The following EYS variants were observed in gnomAD, a reference collection of about 807,000 sequenced individuals.
EYS encodes EGF-like photoreceptor maintenance factor.
In EYS, 250 loss-of-function variants were observed where a neutral mutation model predicts 282.1. The observed-to-expected ratio is 0.89, with a 90% CI of 0.80 to 0.98. The LOEUF (loss-of-function observed/expected upper bound fraction) is 0.98, where lower values mean the gene tolerates loss of function less well. EYS is among the 50% of genes least tolerant of loss of function. The pLI is 0.00. For missense variants in EYS, 4,016 were observed against 3,709.0 expected (o/e 1.08, Z -2.15); for synonymous variants, 1,355 against 1,282.9 (o/e 1.06, Z -1.20).
At chr6:65,207,361 GAA>G (rs67058673) in intron 12 of EYS, among the ~76,000 whole-genome samples, 4,906 of 147,490 alleles carry the variant, frequency 0.033, 106 homozygotes, top group African/African-American at 0.058. Flanking sequence ...AGACACTGAT[GAA>G]AAAAAAAAAT....
intron 33 of EYS, among the ~76,000 whole-genome samples, chr6:64,048,758 C>T (rs544009562): frequency 6.6e-6 from 1 of 151,980 alleles, no homozygotes; most frequent in Non-Finnish European, 1.5e-5. Flanking sequence ...TCTGTTTCCT[C>T]TGATTGATAC....
chr6:63,834,886 G>A (rs1771760904), intron 36 of EYS, among the ~76,000 whole-genome samples: 1 of 151,794 alleles, frequency 6.6e-6, no homozygotes, highest in Non-Finnish European at 1.5e-5. Flanking sequence ...AAAAGGATGA[G>A]TTCATGTCCT....
rs1272075403 is a variant in EYS at position 63,721,600 on chromosome 6, T to G, written c.8431A>C (p.Lys2811Gln). 6.4e-7 allele frequency: 1 copy of G among 1,551,610 alleles called. No homozygotes were observed. The highest frequency in any genetic ancestry group is 8.7e-7 in the Non-Finnish European group (1 of 1,146,744). The change falls in exon 43 of 43, where the codon AAA becomes CAA. Residue 2811 changes from lysine to glutamine, a missense_variant. Lys to Gln is a moderately conservative substitution (Grantham distance 53, BLOSUM62 1). Coordinates refer to ENST00000503581, the MANE Select transcript of EYS (RefSeq NM_001142800.2). ...GTATTTGTGTCCAGAGAACTCATTT[T>G]AGTGGAGGCCTTTTCTGTTACATTT... ...GINVTEKAST[K>Q]MSSLDTNTDF... is the part of the protein sequence containing the mutation.
At chr6:64,731,606 A>G (rs1318073898) in intron 22 of EYS, among the ~76,000 whole-genome samples, 2 of 152,216 alleles carry the variant, frequency 1.3e-5, no homozygotes, top group Non-Finnish European at 2.9e-5. Context: ...CAAAACCACA[A>G]TGAGATACCA....
At chr6:64,923,880 C>T (rs1243071421) in intron 15 of EYS, among the ~76,000 whole-genome samples, 2 of 148,302 alleles carry the variant, frequency 1.3e-5, no homozygotes, top group Admixed American at 6.9e-5. Flanking sequence ...TACAGCCCCC[C>T]TCCTGGCTGC....
intron 41 of EYS, among the ~76,000 whole-genome samples, chr6:63,749,988 C>A (rs1769303186): frequency 6.6e-6 from 1 of 152,156 alleles, no homozygotes; most frequent in Non-Finnish European, 1.5e-5. Flanking sequence ...TTTTAAATGA[C>A]CTGATTTCAA....
chr6:64,109,048 T>A (rs1773123344), intron 31 of EYS, among the ~76,000 whole-genome samples: 1 of 152,080 alleles, frequency 6.6e-6, no homozygotes, highest in South Asian at 2.1e-4. Flanking sequence ...TCAACTTAGA[T>A]GCTATAACTT....
At chr6:65,224,969 A>G (rs1766582420) in intron 12 of EYS, among the ~76,000 whole-genome samples, 1 of 152,150 alleles carries the variant, frequency 6.6e-6, no homozygotes, top group African/African-American at 2.4e-5. Context: ...CACACTGACA[A>G]ATTCTATGAA....
At chr6:64,287,886 G>C (rs1391110392) in intron 30 of EYS, among the ~76,000 whole-genome samples, 3 of 152,150 alleles carry the variant, frequency 2.0e-5, no homozygotes, top group Non-Finnish European at 4.4e-5. Context: ...GAGAAGCTCA[G>C]CCTTGAGCCC....
intron 36 of EYS, among the ~76,000 whole-genome samples, chr6:63,824,007 C>A (rs953797773): frequency 2.0e-5 from 3 of 152,172 alleles, no homozygotes; most frequent in Non-Finnish European, 4.4e-5. Context: ...AACTCAGGAA[C>A]CTACTTCCAC....
intron 33 of EYS, among the ~76,000 whole-genome samples, chr6:64,014,771 C>CT (rs1438305237): frequency 1.6e-5 from 2 of 124,744 alleles, no homozygotes; most frequent in Non-Finnish European, 3.3e-5. Flanking sequence ...CTTATTTAGT[C>CT]TTTTTTTATT....
rs116828527 is a variant in EYS, at chr6:64,361,654, A to G, written c.6078+27036T>C. ...AGAAGATCTTCTTTTGGGCTTGAGG[A>G]AAATATGATCACAAAAGTATTCCTT... On this transcript the variant is annotated intron_variant, in intron 29 of 42. Transcript: ENST00000503581. Among the ~76,000 whole-genome samples the G allele has an allele frequency of 8.8e-3, 1,340 of 151,892 alleles. 9 individuals are homozygous for G. Among genetic ancestry groups the G allele is most frequent in the Non-Finnish European group, 0.013 (869 of 67,790 alleles).
intron 29 of EYS, among the ~76,000 whole-genome samples, chr6:64,322,953 C>A (rs1159641524): frequency 2.0e-5 from 3 of 152,070 alleles, no homozygotes; most frequent in Non-Finnish European, 4.4e-5. Context: ...CTCTACAGCA[C>A]CTACCCCATC....
intron 2 of EYS, among the ~76,000 whole-genome samples, chr6:65,499,588 A>G (rs1766376444): frequency 6.6e-6 from 1 of 152,002 alleles, no homozygotes; most frequent in South Asian, 2.1e-4. Flanking sequence ...TTAGAAATAG[A>G]AGAGATAAAA....
At chr6:65,511,008 T>C (rs1176952001) in intron 2 of EYS, among the ~76,000 whole-genome samples, 1 of 152,186 alleles carries the variant, frequency 6.6e-6, no homozygotes, top group African/African-American at 2.4e-5. Context: ...TGTGAAGAAT[T>C]TGTGAATAGG....
chr6:64,051,766 A>C (rs1313761560), intron 33 of EYS, among the ~76,000 whole-genome samples: 1 of 152,178 alleles, frequency 6.6e-6, no homozygotes, highest in African/African-American at 2.4e-5. Flanking sequence ...TTTCACAAAG[A>C]AAAGAGTCAG....
intron 22 of EYS, among the ~76,000 whole-genome samples, chr6:64,784,387 T>C (rs1292627611): frequency 1.3e-5 from 2 of 152,200 alleles, no homozygotes; most frequent in Admixed American, 1.3e-4. Context: ...TGAAGCTTTA[T>C]TAAGTTTTTT....
intron 22 of EYS, among the ~76,000 whole-genome samples, chr6:64,669,121 A>G (rs1245560794): frequency 6.6e-6 from 1 of 152,176 alleles, no homozygotes; most frequent in Non-Finnish European, 1.5e-5. Context: ...CTCGTTTCTT[A>G]GAAAACAAGT....
At chr6:65,593,719 C>T (rs1425988431) in intron 2 of EYS, among the ~76,000 whole-genome samples, 3 of 151,784 alleles carry the variant, frequency 2.0e-5, no homozygotes, top group African/African-American at 7.3e-5. Context: ...TTTTATTCTC[C>T]CCATATACCT....
Sources: allele counts gnomAD v4.1 joint callset (sites outside exome capture counted in the v4.1 genomes callset), GRCh38; gene constraint gnomAD v4.1.1; transcripts MANE v1.5; gene names NCBI Gene and HGNC (gene_info 2026-07-23, HGNC 2026-07-21).